Variants in TNRC6A observed in about 807,000 individuals in gnomAD.
TNRC6A encodes trinucleotide repeat containing adaptor 6A, also known as trinucleotide repeat-containing gene 6A protein.
Under a neutral mutation model 221.2 loss-of-function variants are expected in TNRC6A, and 44 were observed. The observed-to-expected ratio is 0.20, with a 90% CI of 0.16 to 0.26. The LOEUF is 0.26. Among genes scored for constraint, TNRC6A ranks in the 10% least tolerant of loss-of-function variants. TNRC6A has a pLI of 1.00. For missense variants in TNRC6A, 2,199 were observed against 2,404.4 expected, an observed-to-expected ratio of 0.91 and a Z score of 1.79; for synonymous variants, 847 against 838.5, an observed-to-expected ratio of 1.01 and a Z score of -0.18.
At chr16:24,793,405 T>C (rs1279856972) in intron 6 of TNRC6A, 68 bp from the exon 7 acceptor site, 2 of 1,237,682 alleles carry the variant, frequency 1.6e-6, no homozygotes, top group Non-Finnish European at 2.1e-6. Flanking sequence ...GTTTTCTTTA[T>C]TGTCCCTTAT....
In TNRC6A at chr16:24,717,305, T is replaced by C. The variant is rs2142366667; in HGVS notation, n.403-33421T>C. ...TCTACTTAATCAGTAGGTATAAGAA[T>C]CATTACATATAAGAATGCTTAATGT... On this transcript the variant is annotated intron_variant and non_coding_transcript_variant, in intron 2 of 2. Transcript: ENST00000566108. Among the ~76,000 whole-genome samples the C allele has an allele frequency of 3.3e-5, 5 of 152,308 alleles. No homozygotes were observed. In the South Asian group the frequency reaches 1.0e-3, roughly 32 times the overall value.
intron 2 of TNRC6A, among the ~76,000 whole-genome samples, chr16:24,643,094 T>TTA (rs1467263946): frequency 9.6e-5 from 13 of 135,830 alleles, no homozygotes; most frequent in African/African-American, 2.5e-4. Context: ...TATATATATT[T>TTA]TATATATATA....
At chr16:24,769,464 T>G (rs1303916864) in intron 4 of TNRC6A, among the ~76,000 whole-genome samples, 3 of 130,316 alleles carry the variant, frequency 2.3e-5, no homozygotes, top group African/African-American at 8.9e-5. Context: ...GGTCACAGTA[T>G]GACCAAAAAA....
rs138012273 is a variant in TNRC6A at position 24,675,085 on chromosome 16, G to A, written n.402+34076G>A. Among the ~76,000 whole-genome samples, 278 of 152,126 alleles carry A rather than the reference G, an allele frequency of 1.8e-3. 2 individuals are homozygous for A. The highest frequency in any genetic ancestry group is 6.3e-3 in the African/African-American group (260 of 41,504). ...TGCTTGAGCCCAGGAGTTCAAGGTC[G>A]CAGTCAGCTATGATGACACCGCTGC... On this transcript the variant is annotated intron_variant and non_coding_transcript_variant, in intron 2 of 2. Transcript: ENST00000566108.
At chr16:24,643,108 A>AT (rs1567319457) in intron 2 of TNRC6A, among the ~76,000 whole-genome samples, 170 of 50,210 alleles carry the variant, frequency 3.4e-3, no homozygotes, top group African/African-American at 9.1e-3. Context: ...ATATATATAT[A>AT]AAATATATAT....
chr16:24,786,457 G>A (rs1328177506), intron 5 of TNRC6A, among the ~76,000 whole-genome samples: 5 of 151,798 alleles, frequency 3.3e-5, no homozygotes, highest in African/African-American at 4.8e-5. Flanking sequence ...CGAGTAGCTG[G>A]GACTGCAGGC....
At position 24,825,282 on chromosome 16, in the gene TNRC6A, A is replaced by G. The variant is rs1480834616; in HGVS notation, c.*1475A>G. On this transcript the variant is annotated 3_prime_UTR_variant, in exon 25 of 25. Coordinates refer to ENST00000395799, the MANE Select transcript of TNRC6A (RefSeq NM_014494.4). Reference sequence around the variant, plus strand: ...ACAAGGGTAAAAATTTTAACAGTACAGAATTTGCCATCATATCATTGCCTT... The same window carrying G: ...ACAAGGGTAAAAATTTTAACAGTACGGAATTTGCCATCATATCATTGCCTT... The G allele has an allele frequency of 1.3e-5, 2 of 152,680 alleles. No homozygotes were observed. The highest frequency in any genetic ancestry group is 2.9e-5 in the Non-Finnish European group (2 of 68,052). 9.5% of individuals were successfully genotyped at this position (152,680 alleles called of 1,614,324 possible).
In TNRC6A at chr16:24,781,526, T is replaced by C. The variant is rs2057845486; in HGVS notation, c.589+4168T>C. 2.0e-5 allele frequency among the ~76,000 whole-genome samples: 3 copies of C among 152,336 alleles called. No individual in the cohort carries two copies. The South Asian group carries it at 6.2e-4, about 32-fold the overall frequency. On this transcript the variant is annotated intron_variant, in intron 5 of 24. Transcript: ENST00000395799. ...ACTCTATTGCTGAAGTCACTGATCTTCTGAATGTCAAATGCAAACCTTTTT... is the reference window on the plus strand; with the variant it reads ...ACTCTATTGCTGAAGTCACTGATCTCCTGAATGTCAAATGCAAACCTTTTT...
Position 24,729,780 on chromosome 16 carries a change from G to A in TNRC6A, c.-62G>A. Reference sequence around the variant, plus strand: ...CTCGGGCCTCTCCCCGCGGCGCTGCGGAGGGCTTGAGGCTCGCGAGCCTCC... The same window carrying A: ...CTCGGGCCTCTCCCCGCGGCGCTGCAGAGGGCTTGAGGCTCGCGAGCCTCC... On this transcript the variant is annotated 5_prime_UTR_variant, in exon 1 of 25. Transcript: ENST00000395799. 7.2e-7 allele frequency: 1 copy of A among 1,391,370 alleles called. No individual in the cohort carries two copies. The highest frequency in any genetic ancestry group is 1.6e-5 in the South Asian group (1 of 61,880). 86.2% of individuals were successfully genotyped at this position (1,391,370 alleles called of 1,614,324 possible).
chr16:24,712,486 A>G (rs911650541), intron 2 of TNRC6A, among the ~76,000 whole-genome samples: 3 of 152,190 alleles, frequency 2.0e-5, no homozygotes, highest in Non-Finnish European at 2.9e-5. Flanking sequence ...AACTCTGTAT[A>G]TGTTGTAAAC....
Position 24,614,995 on chromosome 16 carries a change from G to A in TNRC6A, n.276+4511G>A, listed in dbSNP as rs1900268889. Among the ~76,000 whole-genome samples the A allele has an allele frequency of 3.9e-5, 6 of 152,170 alleles. No homozygotes were observed. In the South Asian group the frequency reaches 1.2e-3, roughly 32 times the overall value. Reference sequence around the variant, plus strand: ...CAAGAGAATTGCTTGAACCCAGGAGGCGGAGGTTGCAGTGAGCTGAGATCT... The same window carrying A: ...CAAGAGAATTGCTTGAACCCAGGAGACGGAGGTTGCAGTGAGCTGAGATCT... On this transcript the variant is annotated intron_variant and non_coding_transcript_variant, in intron 1 of 2. Coordinates refer to the TNRC6A transcript ENST00000566108.
intron 4 of TNRC6A, among the ~76,000 whole-genome samples, chr16:24,771,772 A>G (rs1388774379): frequency 6.6e-6 from 1 of 151,964 alleles, no homozygotes; most frequent in Non-Finnish European, 1.5e-5. Flanking sequence ...GGAGGGATAA[A>G]TCTTGGGAGA....
intron 5 of TNRC6A, among the ~76,000 whole-genome samples, chr16:24,782,123 A>C (rs145531600): frequency 1.3e-4 from 20 of 152,144 alleles, no homozygotes; most frequent in African/African-American, 4.6e-4. Context: ...CGCCCGGCCA[A>C]TTTTAACTCT....
intron 5 of TNRC6A, among the ~76,000 whole-genome samples, chr16:24,785,413 A>G (rs1472880517): frequency 6.6e-6 from 1 of 152,222 alleles, no homozygotes; most frequent in Non-Finnish European, 1.5e-5. Flanking sequence ...ATAAAATATA[A>G]TCATATATGA....
intron 1 of TNRC6A, among the ~76,000 whole-genome samples, chr16:24,640,158 G>A (rs1185887446): frequency 2.0e-5 from 3 of 152,190 alleles, no homozygotes; most frequent in Non-Finnish European, 4.4e-5. Flanking sequence ...CCAGCACTTT[G>A]GGAGGCCAAG....
rs1309620146 is a variant in TNRC6A at position 24,816,829 on chromosome 16, T to C, written c.4845T>C (p.Gly1615=). The change falls in exon 20 of 25, where the codon GGT becomes GGC. Residue 1615 remains glycine, a synonymous_variant. Coordinates refer to ENST00000395799, the MANE Select transcript of TNRC6A (RefSeq NM_014494.4). The stretch of plus-strand genomic sequence containing the variant: ...TTCCGTTTCCAGAATTTCGTCCTGG[T>C]GAGCCATGGAAAGGTTATCCAAACA... ...SVNWPPEFRP[G]EPWKGYPNID... The C allele has an allele frequency of 1.9e-6, 3 of 1,609,650 alleles. No homozygotes were observed. The highest frequency in any genetic ancestry group is 1.7e-5 in the Admixed American group (1 of 58,614).
At chr16:24,717,199 A>T (rs1596540007) in intron 2 of TNRC6A, among the ~76,000 whole-genome samples, 1 of 151,982 alleles carries the variant, frequency 6.6e-6, no homozygotes, top group East Asian at 1.9e-4. Context: ...AACCTCCCTG[A>T]CCAGCCTCCC....
chr16:24,687,396 C>T (rs902855374), intron 2 of TNRC6A, among the ~76,000 whole-genome samples: 1 of 152,146 alleles, frequency 6.6e-6, no homozygotes, highest in Non-Finnish European at 1.5e-5. Context: ...TATCATGGCA[C>T]GTAAGGTCTT....
At chr16:24,611,286 C>T (rs986477072) in intron 1 of TNRC6A, among the ~76,000 whole-genome samples, 21 of 152,100 alleles carry the variant, frequency 1.4e-4, no homozygotes, top group African/African-American at 5.1e-4. Flanking sequence ...GGAAATGTAC[C>T]TTCTAAAAAA....
Sources: gnomAD v4.1 joint callset for allele counts (sites outside exome capture counted in the v4.1 genomes callset) on GRCh38, gnomAD v4.1.1 for gene constraint, MANE v1.5 for transcripts, NCBI Gene and HGNC (gene_info 2026-07-23, HGNC 2026-07-21) for gene names.